Variants in PTGR1 observed in about 807,000 individuals in gnomAD.
PTGR1 encodes the protein prostaglandin reductase 1.
Under a neutral mutation model 37.7 loss-of-function variants are expected in PTGR1, and 23 were observed. That is an observed-to-expected ratio of 0.61 (90% CI 0.44 to 0.86). The LOEUF (loss-of-function observed/expected upper bound fraction) is 0.86. PTGR1 is among the 40% of genes least tolerant of loss of function. PTGR1 has a pLI of 0.00. For missense variants in PTGR1, 351 were observed against 394.3 expected, an observed-to-expected ratio of 0.89 and a Z score of 0.93; for synonymous variants, 134 against 140.0, an observed-to-expected ratio of 0.96 and a Z score of 0.30.
downstream of PTGR1, among the ~76,000 whole-genome samples, chr9:111,560,158 C>T (rs949360907): frequency 2.0e-5 from 3 of 151,614 alleles, no homozygotes; most frequent in Non-Finnish European, 4.4e-5. Flanking sequence ...CCAGCCTGGC[C>T]AACATGGCAA....
chr9:111,554,166 A>G (rs1828052849), intron 9 of PTGR1, among the ~76,000 whole-genome samples: 1 of 152,168 alleles, frequency 6.6e-6, no homozygotes, highest in African/African-American at 2.4e-5. Context: ...ACAAACTACT[A>G]CTATTATGTT....
intron 9 of PTGR1, chr9:111,564,317 T>TTAC: frequency 1.6e-6 from 1 of 629,088 alleles, no homozygotes; most frequent in Non-Finnish European, 2.1e-6. Flanking sequence ...ATTATTATTA[T>TTAC]TATTCTGAGA....
At chr9:111,561,108 TATAG>T (rs1288906867), downstream of PTGR1, among the ~76,000 whole-genome samples, 145 of 20,858 alleles carry the variant, frequency 7.0e-3, 9 homozygotes, top group Middle Eastern at 0.059. Flanking sequence ...TATATATATA[TATAG>T]AGAGAGAGAG....
intron 4 of PTGR1, among the ~76,000 whole-genome samples, chr9:111,587,282 T>C (rs762354669): frequency 3.9e-5 from 6 of 152,156 alleles, no homozygotes; most frequent in Non-Finnish European, 5.9e-5. Flanking sequence ...CTTTACCATC[T>C]TTCCTTCCCA....
intron 9 of PTGR1, among the ~76,000 whole-genome samples, chr9:111,553,487 CTT>C (rs1828032833): frequency 6.6e-6 from 1 of 152,046 alleles, no homozygotes; most frequent in Admixed American, 6.6e-5. Flanking sequence ...TATACTCTAT[CTT>C]GTGCTATCTG....
chr9:111,582,330 G>C (rs1829306614), intron 6 of PTGR1, among the ~76,000 whole-genome samples: 1 of 152,158 alleles, frequency 6.6e-6, no homozygotes, highest in Non-Finnish European at 1.5e-5. Flanking sequence ...CAAACTTACG[G>C]GATAAAAGCC....
chr9:111,554,181 GAACT>G (rs1483439801), intron 9 of PTGR1, among the ~76,000 whole-genome samples: 3 of 152,142 alleles, frequency 2.0e-5, no homozygotes, highest in East Asian at 1.9e-4. Flanking sequence ...TATGTTATTG[GAACT>G]AACTACTTAG....
At chr9:111,588,834 AT>A (rs1008970673) in intron 4 of PTGR1, among the ~76,000 whole-genome samples, 211 of 151,938 alleles carry the variant, frequency 1.4e-3, no homozygotes, top group African/African-American at 4.9e-3. Flanking sequence ...ACTTTTTTGT[AT>A]TTTTTTGTAG....
At chr9:111,566,373 G>A (rs1484014785) in intron 9 of PTGR1, among the ~76,000 whole-genome samples, 6 of 152,186 alleles carry the variant, frequency 3.9e-5, no homozygotes. Context: ...TCAGCTCCCT[G>A]GTGACAGCCC....
chr9:111,557,117 A>T (rs918863567), intron 9 of PTGR1, among the ~76,000 whole-genome samples: 7 of 152,212 alleles, frequency 4.6e-5, no homozygotes, highest in African/African-American at 1.4e-4. Flanking sequence ...CTCCTCATGC[A>T]GCATTTCCGC....
intron 8 of PTGR1, among the ~76,000 whole-genome samples, chr9:111,573,827 A>T (rs2132367941): frequency 1.3e-5 from 2 of 152,186 alleles, no homozygotes; most frequent in South Asian, 4.1e-4. Flanking sequence ...CTGCTTTTGG[A>T]CCTCAGAGTG....
intron 4 of PTGR1, among the ~76,000 whole-genome samples, chr9:111,591,645 C>G (rs927328347): frequency 6.6e-6 from 1 of 152,106 alleles, no homozygotes; most frequent in Non-Finnish European, 1.5e-5. Flanking sequence ...GCTGGGATCA[C>G]AGGCGTGAGC....
chr9:111,579,819 TAGGA>T (rs1271380580), intron 6 of PTGR1, among the ~76,000 whole-genome samples: 2 of 152,200 alleles, frequency 1.3e-5, no homozygotes, highest in Non-Finnish European at 2.9e-5. Flanking sequence ...ACAGAGGAGC[TAGGA>T]AGCATTCTGA....
At chr9:111,594,317 GAAC>G (rs1829712599) in intron 2 of PTGR1, 50 bp from the exon 3 acceptor site, 1 of 1,519,396 alleles carries the variant, frequency 6.6e-7, no homozygotes, top group Non-Finnish European at 9.1e-7. Flanking sequence ...GGCCTGAGAG[GAAC>G]AATAGACACT....
At chr9:111,555,482 G>A (rs73656264) in intron 9 of PTGR1, among the ~76,000 whole-genome samples, 2,723 of 152,160 alleles carry the variant, frequency 0.018, 88 homozygotes, top group African/African-American at 0.062. Context: ...AACAATATGT[G>A]TATTAGTCTG....
At chr9:111,581,907 A>G (rs1829292335) in intron 6 of PTGR1, among the ~76,000 whole-genome samples, 1 of 152,164 alleles carries the variant, frequency 6.6e-6, no homozygotes, top group Admixed American at 6.5e-5. Context: ...AGGGTAGAAT[A>G]TGGGGAAAAA....
intron 7 of PTGR1, chr9:111,576,793 G>C (rs1829075994): frequency 1.2e-5 from 2 of 160,260 alleles, no homozygotes; most frequent in Admixed American, 6.3e-5. Flanking sequence ...GTATCGGTAA[G>C]ATGTAAAGAA....
At chr9:111,584,733 C>A (rs1035885977) in intron 5 of PTGR1, among the ~76,000 whole-genome samples, 2 of 152,150 alleles carry the variant, frequency 1.3e-5, no homozygotes, top group African/African-American at 2.4e-5. Flanking sequence ...AGATCAAGAT[C>A]AAGAAGTTGT....
intron 5 of PTGR1, among the ~76,000 whole-genome samples, chr9:111,584,803 G>A (rs370831383): frequency 1.3e-4 from 20 of 152,086 alleles, no homozygotes; most frequent in African/African-American, 3.1e-4. Context: ...TGCAACAACC[G>A]CAGGGAGAAG....
Sources: allele counts gnomAD v4.1 joint callset (sites outside exome capture counted in the v4.1 genomes callset), GRCh38; gene constraint gnomAD v4.1.1; transcripts MANE v1.5; gene names NCBI Gene and HGNC (gene_info 2026-07-23, HGNC 2026-07-21).